The following ALDH16A1 variants were observed in gnomAD, a reference collection of about 807,000 sequenced individuals.
ALDH16A1 encodes the protein aldehyde dehydrogenase 16 family member A1.
A neutral mutation model predicts 96.1 loss-of-function variants in ALDH16A1; 88 were observed. The observed-to-expected ratio is 0.92, with a 90% confidence interval of 0.77 to 1.09. The LOEUF (loss-of-function observed/expected upper bound fraction) is 1.09. Ranked by LOEUF, ALDH16A1 falls within the 50% of genes least tolerant of loss-of-function variation. The pLI is 0.00. For synonymous variants in ALDH16A1, 522 were observed against 496.4 expected, an observed-to-expected ratio of 1.05 and a Z score of -0.69; for missense variants, 1,250 against 1,112.6, an observed-to-expected ratio of 1.12 and a Z score of -1.76.
At position 49,462,694 on chromosome 19, in the gene ALDH16A1, G is replaced by T; in HGVS notation, c.1037G>T (p.Gly346Val). The change falls in exon 8 of 17, where the codon GGG (glycine) becomes GTG (valine). Residue 346 changes from glycine (G) to valine (V), a missense_variant. By Grantham distance (109) the Gly-to-Val change is moderately radical (BLOSUM62 -3). Coordinates refer to ENST00000293350, the MANE Select transcript of ALDH16A1 (RefSeq NM_153329.4). ...GGGGCCGTGGACATGGGGGCCCGGG[G>T]GGCTGCCGCATGTGACCTGGTCCAG... Reference protein sequence around the residue: ...LDGAVDMGARGAAACDLVQRF... With the variant: ...LDGAVDMGARVAAACDLVQRF... The T allele has an allele frequency of 6.2e-7, 1 of 1,608,522 alleles. No homozygotes were observed. Among genetic ancestry groups the T allele is most frequent in the Non-Finnish European group, 8.5e-7 (1 of 1,178,632 alleles).
chr19:49,461,020 G>A, intron 5 of ALDH16A1, 121 bp downstream of exon 5: 1 of 1,088,318 alleles, frequency 9.2e-7, no homozygotes, highest in Admixed American at 1.8e-5. Context: ...GAAGGAGTCT[G>A]TGGGAGGAGG....
chr19:49,453,445 T>G, intron 1 of ALDH16A1, 24 bp downstream of exon 1: 1 of 1,511,596 alleles, frequency 6.6e-7, no homozygotes, highest in South Asian at 1.2e-5. Flanking sequence ...CGGCCGGCGC[T>G]GCTCGCTGCG....
rs2079236612 is a variant in ALDH16A1, at chr19:49,470,459, G to A, written c.2401G>A (p.Gly801Arg). ...ARTKALWLPM[G>R]D Reference sequence around the variant, plus strand: ...GACCAAGGCCCTGTGGCTGCCTATGGGGGACTGATGCCTGAGCGCCACCTA... The same window carrying A: ...GACCAAGGCCCTGTGGCTGCCTATGAGGGACTGATGCCTGAGCGCCACCTA... Residue 801 changes from glycine to arginine, a missense_variant, in exon 17 of 17, where the codon GGG (glycine) becomes AGG (arginine). Physicochemically the swap from Gly to Arg is moderately radical, Grantham distance 125 (BLOSUM62 -2). Transcript: ENST00000293350. The A allele has an allele frequency of 6.4e-7, 1 of 1,574,200 alleles. No individual in the cohort carries two copies. The highest frequency in any genetic ancestry group is 8.6e-7 in the Non-Finnish European group (1 of 1,162,574).
chr19:49,456,175 CCT>C (rs2079103855), intron 1 of ALDH16A1, among the ~76,000 whole-genome samples: 1 of 152,150 alleles, frequency 6.6e-6, no homozygotes, highest in African/African-American at 2.4e-5. Flanking sequence ...ATTTTGAACT[CCT>C]GTTTACCCAT....
chr19:49,461,868 T>A lies in ALDH16A1; in HGVS notation c.760-16T>A. ...CGCAAGGCTCCTCCTGCGGCTGAAC[T>A]GGGGGGGGTCCCTAGGAAGGGCGTG... On this transcript the variant is annotated splice_polypyrimidine_tract_variant and intron_variant, in intron 6 of 16. Transcript: ENST00000293350. The A allele has an allele frequency of 1.9e-6, 3 of 1,590,882 alleles. No individual in the cohort carries two copies. The highest frequency in any genetic ancestry group is 2.6e-6 in the Non-Finnish European group (3 of 1,169,274).
rs371618366 is a variant in ALDH16A1 at position 49,462,537 on chromosome 19, G to A, written c.913-33G>A. On this transcript the variant is annotated intron_variant, in intron 7 of 16. Transcript: ENST00000293350. ...GATCACCAACTTGCTAGAGTGCAAT[G>A]GTGTGATCTCCTGATGCCCCTTTTC... 1.3e-4 allele frequency: 216 copies of A among 1,603,878 alleles called. 2 individuals carry two copies. Among genetic ancestry groups the A allele is most frequent in the South Asian group, 1.2e-3 (106 of 90,114 alleles).
Position 49,468,604 on chromosome 19 carries a change from C to T in ALDH16A1, c.2124+38C>T, listed in dbSNP as rs761790345. On this transcript the variant is annotated intron_variant, in intron 15 of 16. Transcript: ENST00000293350. The surrounding 1 kb of genome is among the most constrained non-coding windows in gnomAD (Gnocchi z 4.4). ...GCCTTCCTGCCTCTCCTCCCCGTAG[C>T]CTCAGGGCAGCAGAAAAAGGCGCCC... is the stretch of plus-strand genomic sequence containing the variant. 9 of 1,590,080 alleles carry T rather than the reference C, an allele frequency of 5.7e-6. No individual in the cohort carries two copies. Among genetic ancestry groups the T allele is most frequent in the Admixed American group, 1.7e-5 (1 of 58,972 alleles).
rs1223835064 is a variant in ALDH16A1, at chr19:49,460,894, C to T, written c.572C>T (p.Ala191Val). The T allele has an allele frequency of 6.2e-7, 1 of 1,613,306 alleles. No individual in the cohort carries two copies. Among genetic ancestry groups the T allele is most frequent in the Non-Finnish European group, 8.5e-7 (1 of 1,179,890 alleles). Reference sequence around the variant, plus strand: ...ATGTGGAGGATTTGCCCTGCCCTGGCTGTGGGTAAATGATGGCCTGGGGGG... The same window carrying T: ...ATGTGGAGGATTTGCCCTGCCCTGGTTGTGGGTAAATGATGGCCTGGGGGG... ...EMMWRICPALAVGCTVVALVP... is the reference protein window; with the variant it reads ...EMMWRICPALVVGCTVVALVP... Residue 191 changes from alanine to valine, a missense_variant, in exon 5 of 17, where the codon GCT becomes GTT. Transcript: ENST00000293350.
intron 4 of ALDH16A1, among the ~76,000 whole-genome samples, chr19:49,460,474 G>T (rs2079132566): frequency 1.3e-5 from 2 of 150,454 alleles, no homozygotes; most frequent in Admixed American, 6.6e-5. Flanking sequence ...GAGTGCAGTG[G>T]TGCGATCTCG....
intron 1 of ALDH16A1, among the ~76,000 whole-genome samples, chr19:49,455,063 A>G (rs2079096894): frequency 6.8e-6 from 1 of 146,634 alleles, no homozygotes; most frequent in Non-Finnish European, 1.5e-5. Flanking sequence ...GGTTGCAGTA[A>G]GCTGAGATTG....
At chr19:49,460,162 C>T (rs2079130245) in intron 4 of ALDH16A1, among the ~76,000 whole-genome samples, 2 of 152,034 alleles carry the variant, frequency 1.3e-5, no homozygotes, top group Admixed American at 6.6e-5. Flanking sequence ...ATTCACCTGC[C>T]TTGGCATCCC....
intron 5 of ALDH16A1, among the ~76,000 whole-genome samples, 169 bp downstream of exon 5, chr19:49,461,068 A>G (rs12976127): frequency 0.66 from 87,835 of 132,596 alleles, 28,724 homozygotes; most frequent in Middle Eastern, 0.79. Flanking sequence ...AGGGAGGAGG[A>G]GCTGGAGTCT....
Position 49,468,754 on chromosome 19 carries a change from T to A in ALDH16A1, c.2125-110T>A. ...CATTCTTCACCCTAGGCCTGGGGCT[T>A]TCTCCTCCATGACCCCCCATCCCCT... On this transcript the variant is annotated intron_variant, in intron 15 of 16. Coordinates refer to ENST00000293350, the MANE Select transcript of ALDH16A1 (RefSeq NM_153329.4). The surrounding 1 kb of genome is among the most constrained non-coding windows in gnomAD (Gnocchi z 4.4). The A allele has an allele frequency of 7.0e-7, 1 of 1,421,352 alleles. No homozygotes were observed. Among genetic ancestry groups the A allele is most frequent in the Non-Finnish European group, 9.6e-7 (1 of 1,041,528 alleles). The allele number at this position is 1,421,352 out of a possible 1,614,324, so 88.0% of individuals were successfully genotyped here. A position where few individuals can be genotyped will look rare whatever the true frequency, so the allele number is the denominator to read the frequency against.
At chr19:49,456,692 C>G (rs2079106410) in intron 1 of ALDH16A1, among the ~76,000 whole-genome samples, 1 of 152,202 alleles carries the variant, frequency 6.6e-6, no homozygotes. Flanking sequence ...GCCCGGCCAA[C>G]AATCATTCTT....
chr19:49,469,106 C>G (rs1420887431), intron 16 of ALDH16A1, 120 bp downstream of exon 16: 2 of 1,436,120 alleles, frequency 1.4e-6, no homozygotes, highest in African/African-American at 2.9e-5. Flanking sequence ...AACTCCTTGA[C>G]AAGAAGGTTT....
At chr19:49,458,932 A>T in intron 2 of ALDH16A1, 28 bp from the exon 3 acceptor site, 2 of 1,604,182 alleles carry the variant, frequency 1.2e-6, no homozygotes, top group South Asian at 2.2e-5. Context: ...TACTCCTCCC[A>T]TCTGAGTCCC....
rs555960613 is a variant in ALDH16A1, at chr19:49,453,425, A to G, written c.90+4A>G. On this transcript the variant is annotated splice_donor_region_variant and intron_variant, in intron 1 of 16. Transcript: ENST00000293350. ...GGAGAGCCACGCATGCGCACTGGTG[A>G]GAGTCTGCCCGGCCGGCGCTGCTCG... 8 of 1,536,928 alleles carry G rather than the reference A, an allele frequency of 5.2e-6. No homozygotes were observed. In the African/African-American group the frequency reaches 9.5e-5, roughly 18 times the overall value.
At chr19:49,463,993 A>C in intron 9 of ALDH16A1, 44 bp downstream of exon 9, 1 of 1,586,056 alleles carries the variant, frequency 6.3e-7, no homozygotes, top group East Asian at 2.2e-5. Flanking sequence ...CCGCCAGCCA[A>C]GGGCAGCAGC....
Position 49,459,743 on chromosome 19 carries a change from C to G in ALDH16A1, c.394C>G (p.Arg132Gly), listed in dbSNP as rs534259783. 5 of 1,613,540 alleles carry G rather than the reference C, an allele frequency of 3.1e-6. No individual in the cohort carries two copies. Among genetic ancestry groups the G allele is most frequent in the Non-Finnish European group, 4.2e-6 (5 of 1,179,916 alleles). ...LESLVTGRAV[R>G]EVRDGDVQLA... Reference sequence around the variant, plus strand: ...ATCCCTGGTGACTGGGCGGGCTGTTCGAGAGGTTCGAGACGGGGACGTCCA... The same window carrying G: ...ATCCCTGGTGACTGGGCGGGCTGTTGGAGAGGTTCGAGACGGGGACGTCCA... The change falls in exon 4 of 17, where the codon CGA becomes GGA. Residue 132 changes from arginine (R) to glycine (G), a missense_variant. Physicochemically the swap from Arg to Gly is moderately radical, Grantham distance 125 (BLOSUM62 -2). Coordinates refer to ENST00000293350, the MANE Select transcript of ALDH16A1 (RefSeq NM_153329.4). This position sits in a 1 kb window ranked among gnomAD's most constrained non-coding sequence, Gnocchi z 4.1.
Sources: allele counts gnomAD v4.1 joint callset (sites outside exome capture counted in the v4.1 genomes callset), GRCh38; gene constraint gnomAD v4.1.1; non-coding constraint Gnocchi (gnomAD v3.1); transcripts MANE v1.5; gene names NCBI Gene and HGNC (gene_info 2026-07-23, HGNC 2026-07-21).